The following WWC2 variants were observed in gnomAD, a reference collection of about 807,000 sequenced individuals.
WWC2 encodes the protein protein WWC2.
WWC2 carries 101 observed loss-of-function variants against 138.5 expected under a neutral mutation model. The observed-to-expected ratio is 0.73, with a 90% CI of 0.62 to 0.86. WWC2 has a LOEUF of 0.86. WWC2 is among the 40% of genes least tolerant of loss of function. The pLI is 0.00. For synonymous variants in WWC2, 558 were observed against 538.4 expected, an observed-to-expected ratio of 1.04 and a Z score of -0.50; for missense variants, 1,420 against 1,419.4, an observed-to-expected ratio of 1.00 and a Z score of -0.01.
intron 1 of WWC2, among the ~76,000 whole-genome samples, chr4:183,188,212 A>G: frequency 6.6e-6 from 1 of 152,008 alleles, no homozygotes; most frequent in East Asian, 1.9e-4. Flanking sequence ...GATCTTAGGA[A>G]GAGATGATTC....
intron 1 of WWC2, among the ~76,000 whole-genome samples, chr4:183,190,870 ATTC>A (rs1734969927): frequency 6.6e-6 from 1 of 152,164 alleles, no homozygotes; most frequent in African/African-American, 2.4e-5. Flanking sequence ...ATAACTTCCT[ATTC>A]TTAAAGTAAT....
At chr4:183,219,531 T>C (rs965874362) in intron 4 of WWC2, among the ~76,000 whole-genome samples, 1 of 152,188 alleles carries the variant, frequency 6.6e-6, no homozygotes, top group Admixed American at 6.5e-5. Context: ...TAATTTGAAG[T>C]CTCTTTAAAT....
chr4:183,266,467 C>A (rs1737508739), intron 14 of WWC2, among the ~76,000 whole-genome samples: 2 of 152,170 alleles, frequency 1.3e-5, no homozygotes, highest in Admixed American at 1.3e-4. Context: ...AGAATCCCAA[C>A]AAAGTGATGA....
intron 4 of WWC2, among the ~76,000 whole-genome samples, chr4:183,230,727 C>G (rs1736218797): frequency 6.6e-6 from 1 of 150,646 alleles, no homozygotes; most frequent in South Asian, 2.1e-4. Context: ...AAAGGATCAA[C>G]AAAAGCAAAT....
chr4:183,292,033 A>T (rs1580156119), intron 21 of WWC2, among the ~76,000 whole-genome samples: 1 of 8,128 alleles, frequency 1.2e-4, no homozygotes, highest in East Asian at 1.2e-3. Context: ...AAAAAAAATT[A>T]AAAAAAAAAA....
rs192448979 is a variant in WWC2 at position 183,285,526 on chromosome 4, C to T, written c.3049-441C>T. ...CTGTAATCCCAACACTTTGGGAGCC[C>T]GAGGAGAGCGAAACACCTGAGGTCA... On this transcript the variant is annotated intron_variant, in intron 19 of 22. Transcript: ENST00000403733. Among the ~76,000 whole-genome samples the T allele has an allele frequency of 4.1e-3, 626 of 152,210 alleles. 1 individual carries two copies. Among genetic ancestry groups the T allele is most frequent in the Middle Eastern group, 0.02 (6 of 294 alleles).
intron 1 of WWC2, among the ~76,000 whole-genome samples, chr4:183,113,387 G>T (rs1486665618): frequency 6.6e-6 from 1 of 151,808 alleles, no homozygotes; most frequent in African/African-American, 2.4e-5. Flanking sequence ...TATAGAAAGG[G>T]GTCCTATCAT....
At chr4:183,201,054 A>G (rs994250309) in intron 2 of WWC2, among the ~76,000 whole-genome samples, 12 of 152,174 alleles carry the variant, frequency 7.9e-5, no homozygotes, top group African/African-American at 2.9e-4. Flanking sequence ...AATATTGGAA[A>G]TAGATATAGG....
intron 1 of WWC2, among the ~76,000 whole-genome samples, chr4:183,178,748 T>A (rs1407427484): frequency 6.6e-6 from 1 of 152,188 alleles, no homozygotes; most frequent in Non-Finnish European, 1.5e-5. Context: ...CTGATCTAGC[T>A]GAGCTCTCCG....
At chr4:183,229,839 G>A (rs1736188828) in intron 4 of WWC2, among the ~76,000 whole-genome samples, 1 of 151,996 alleles carries the variant, frequency 6.6e-6, no homozygotes, top group African/African-American at 2.4e-5. Flanking sequence ...TGTTGTTATT[G>A]TTTTGAGACA....
At position 183,261,166 on chromosome 4, in the gene WWC2, A is replaced by C. The variant is rs1737313931; in HGVS notation, c.1543A>C (p.Ser515Arg). 2 of 1,613,836 alleles carry C rather than the reference A, an allele frequency of 1.2e-6. No individual in the cohort carries two copies. The highest frequency in any genetic ancestry group is 4.5e-5 in the East Asian group (2 of 44,880). Residue 515 changes from serine (S) to arginine (R), a missense_variant, in exon 11 of 23, where the codon AGC (serine) becomes CGC (arginine). Transcript: ENST00000403733. ...IHENEVVKSP[S>R]QPGQSGLCGV... is the part of the protein sequence containing the mutation. ...TGAAAACGAGGTGGTCAAGTCCCCT[A>C]GCCAGCCTGGCCAGAGTGGACTCTG... is the stretch of plus-strand genomic sequence containing the variant.
At chr4:183,109,147 C>T (rs975616742) in intron 1 of WWC2, among the ~76,000 whole-genome samples, 2 of 152,068 alleles carry the variant, frequency 1.3e-5, no homozygotes, top group Non-Finnish European at 1.5e-5. Context: ...CTTTGTAGGC[C>T]TCATTTTAGC....
intron 1 of WWC2, among the ~76,000 whole-genome samples, chr4:183,189,345 G>A (rs974022933): frequency 1.3e-5 from 2 of 151,936 alleles, no homozygotes; most frequent in African/African-American, 2.4e-5. Flanking sequence ...GCTGAGGCAG[G>A]GGAATTGCTT....
At chr4:183,230,874 A>G (rs1371022298) in intron 4 of WWC2, among the ~76,000 whole-genome samples, 1 of 152,228 alleles carries the variant, frequency 6.6e-6, no homozygotes, top group African/African-American at 2.4e-5. Context: ...GAAAATTTAT[A>G]CTATTACATT....
chr4:183,137,100 G>A (rs779679827), intron 1 of WWC2, among the ~76,000 whole-genome samples: 13 of 152,180 alleles, frequency 8.5e-5, no homozygotes, highest in Non-Finnish European at 1.8e-4. Context: ...GAGCGAGTCA[G>A]TGGCGAGTGA....
At chr4:183,214,733 G>A (rs964159027) in intron 4 of WWC2, among the ~76,000 whole-genome samples, 1 of 151,836 alleles carries the variant, frequency 6.6e-6, no homozygotes, top group Non-Finnish European at 1.5e-5. Context: ...TGGAGGTTGC[G>A]GTGAGCCGAG....
chr4:183,103,682 G>A (rs1472135000), intron 1 of WWC2, among the ~76,000 whole-genome samples: 1 of 143,076 alleles, frequency 7.0e-6, no homozygotes, highest in African/African-American at 2.6e-5. Context: ...TGTGTCGCCA[G>A]ACTGGAGTGC....
chr4:183,208,247 G>A, intron 3 of WWC2, 91 bp downstream of exon 3: 1 of 1,375,370 alleles, frequency 7.3e-7, no homozygotes, highest in Non-Finnish European at 9.9e-7. Context: ...GTTTAATTTT[G>A]AGTCCTTTTC....
chr4:183,280,234 T>TTG (rs1472331210), intron 16 of WWC2, among the ~76,000 whole-genome samples: 1 of 144,584 alleles, frequency 6.9e-6, no homozygotes, highest in South Asian at 2.3e-4. Flanking sequence ...CAGCTGTTTT[T>TTG]TTTTTTTTTT....
Sources: gnomAD v4.1 joint callset for allele counts (sites outside exome capture counted in the v4.1 genomes callset) on GRCh38, gnomAD v4.1.1 for gene constraint, MANE v1.5 for transcripts, NCBI Gene and HGNC (gene_info 2026-07-23, HGNC 2026-07-21) for gene names.